Variants in USP47 observed in about 807,000 individuals in gnomAD.
USP47 encodes ubiquitin specific peptidase 47.
USP47 carries 35 observed loss-of-function variants against 165.1 expected under a neutral mutation model. The ratio of observed to expected loss-of-function variants is 0.21; its 90% CI spans 0.16 to 0.28. USP47 has a LOEUF of 0.28. Among genes scored for constraint, USP47 ranks in the 10% least tolerant of loss-of-function variants. The pLI, the probability that USP47 is intolerant of heterozygous loss-of-function variation, is 1.00. For missense variants in USP47, 1,277 were observed against 1,607.4 expected, an observed-to-expected ratio of 0.79 and a Z score of 3.52; for synonymous variants, 531 against 544.5, an observed-to-expected ratio of 0.98 and a Z score of 0.35.
intron 14 of USP47, among the ~76,000 whole-genome samples, chr11:11,931,591 A>G (rs1051077493): frequency 2.6e-5 from 4 of 152,138 alleles, no homozygotes; most frequent in Admixed American, 6.6e-5. Flanking sequence ...CAACCTTCCA[A>G]TAGTGCAATA....
Position 11,854,862 on chromosome 11 carries a change from A to G in USP47, c.39+12638A>G, listed in dbSNP as rs576120322. Among the ~76,000 whole-genome samples, 94 of 146,658 alleles carry G rather than the reference A, an allele frequency of 6.4e-4. 13 individuals carry two copies. Among genetic ancestry groups the G allele is most frequent in the Non-Finnish European group, 5.2e-4 (34 of 65,374 alleles). On this transcript the variant is annotated intron_variant, in intron 1 of 27. Coordinates refer to ENST00000527733, the MANE Select transcript of USP47 (RefSeq NM_001282659.2). The stretch of plus-strand genomic sequence containing the variant: ...TAATCCCAGCACTTTGGGAGGCTGA[A>G]GCAGGCGGATCACGAGGTCAGGAGA...
At chr11:11,906,863 C>A (rs900422103) in intron 8 of USP47, among the ~76,000 whole-genome samples, 1 of 151,976 alleles carries the variant, frequency 6.6e-6, no homozygotes, top group African/African-American at 2.4e-5. Flanking sequence ...GATTTCCTAA[C>A]TAATTTTTAA....
At chr11:11,853,159 A>C (rs759982125) in intron 1 of USP47, among the ~76,000 whole-genome samples, 1 of 152,102 alleles carries the variant, frequency 6.6e-6, no homozygotes, top group Non-Finnish European at 1.5e-5. Flanking sequence ...GGGTATGGTG[A>C]TAGCCCAAGT....
chr11:11,928,991 C>T (rs540269048), intron 11 of USP47, among the ~76,000 whole-genome samples: 1 of 152,000 alleles, frequency 6.6e-6, no homozygotes, highest in East Asian at 1.9e-4. Context: ...TGCATAAATA[C>T]ATTAGAAGAT....
intron 1 of USP47, among the ~76,000 whole-genome samples, chr11:11,859,475 A>G (rs1041654691): frequency 1.3e-5 from 2 of 152,134 alleles, no homozygotes; most frequent in Admixed American, 1.3e-4. Flanking sequence ...AAGGCCGCAT[A>G]AGGTATAAGG....
Position 11,959,577 on chromosome 11 carries a change from C to T in USP47, c.*3402C>T, listed in dbSNP as rs773558078. ...CCATGGGGAAGAGGGAGGCTGTGAT[C>T]ATTTGGTTAGATACAGCATTAATTG... On this transcript the variant is annotated 3_prime_UTR_variant, in exon 28 of 28. Coordinates refer to ENST00000527733, the MANE Select transcript of USP47 (RefSeq NM_001282659.2). Among the ~76,000 whole-genome samples, 8 of 152,300 alleles carry T rather than the reference C, an allele frequency of 5.3e-5. No individual in the cohort carries two copies. Among genetic ancestry groups the T allele is most frequent in the Non-Finnish European group, 1.0e-4 (7 of 68,030 alleles).
intron 27 of USP47, among the ~76,000 whole-genome samples, 154 bp downstream of exon 27, chr11:11,955,318 T>A (rs1363236141): frequency 6.6e-6 from 1 of 152,204 alleles, no homozygotes; most frequent in Non-Finnish European, 1.5e-5. Context: ...TAATTTGAAG[T>A]TTTCTAGTAG....
intron 1 of USP47, among the ~76,000 whole-genome samples, chr11:11,847,493 A>G (rs1213154154): frequency 2.6e-5 from 4 of 152,126 alleles, no homozygotes; most frequent in East Asian, 1.9e-4. Flanking sequence ...AAATATAGGT[A>G]ATATCGAACT....
chr11:11,880,090 C>G, intron 1 of USP47, 87 bp from the exon 2 acceptor site: 1 of 943,804 alleles, frequency 1.1e-6, no homozygotes, highest in Non-Finnish European at 1.5e-6. Context: ...AGGTCTTTTA[C>G]ATTTAATCAT....
intron 25 of USP47, among the ~76,000 whole-genome samples, chr11:11,954,692 T>C (rs1856449542): frequency 6.6e-6 from 1 of 152,204 alleles, no homozygotes; most frequent in Non-Finnish European, 1.5e-5. Flanking sequence ...TGTGTATGCA[T>C]AGGAAAAGGT....
rs770759242 is a variant in USP47 at position 11,948,473 on chromosome 11, TA to T, written c.3268-4del. The T allele has an allele frequency of 6.2e-7, 1 of 1,608,812 alleles. No homozygotes were observed. The highest frequency in any genetic ancestry group is 1.1e-5 in the South Asian group (1 of 90,886). Reference sequence around the variant, plus strand: ...CATGTCTAAAAAAATGTTTTTAACTTATAGATTACAATTAGACTGGGGAGAG... The same window carrying T: ...CATGTCTAAAAAAATGTTTTTAACTTTAGATTACAATTAGACTGGGGAGAG... On this transcript the variant is annotated splice_region_variant and splice_polypyrimidine_tract_variant and intron_variant, in intron 21 of 27. Transcript: ENST00000527733.
intron 1 of USP47, chr11:11,873,716 T>C (rs1182517509): frequency 5.5e-6 from 4 of 727,276 alleles, no homozygotes; most frequent in Non-Finnish European, 7.8e-6. Context: ...AAAATGTTTT[T>C]AGGTTAATTG....
At position 11,961,765 on chromosome 11, in the gene USP47, G is replaced by C. The variant is rs779324361; in HGVS notation, c.*5590G>C. Among the ~76,000 whole-genome samples the C allele has an allele frequency of 6.6e-6, 1 of 152,242 alleles. No homozygotes were observed. Among genetic ancestry groups the C allele is most frequent in the Non-Finnish European group, 1.5e-5 (1 of 68,040 alleles). On this transcript the variant is annotated 3_prime_UTR_variant, in exon 28 of 28. Transcript: ENST00000527733. The stretch of plus-strand genomic sequence containing the variant: ...GTCATGGGGCCAGCCCTAGCTGCTG[G>C]AGGGACTGAGAACAGCTGTTGAGCA...
chr11:11,898,126 C>CGT (rs747874116), intron 5 of USP47, among the ~76,000 whole-genome samples: 3 of 150,878 alleles, frequency 2.0e-5, no homozygotes, highest in Admixed American at 2.0e-4. Flanking sequence ...GTTTCATGTG[C>CGT]GTGTGTGTGC....
chr11:11,868,135 T>A (rs1404456117), intron 1 of USP47, among the ~76,000 whole-genome samples: 1 of 152,058 alleles, frequency 6.6e-6, no homozygotes, highest in African/African-American at 2.4e-5. Flanking sequence ...AGATATCTCA[T>A]GTACTCTTCA....
chr11:11,930,315 T>A lies in USP47; in HGVS notation c.1595+195T>A, dbSNP rs1386155807. Among the ~76,000 whole-genome samples the A allele has an allele frequency of 2.0e-5, 3 of 152,168 alleles. No homozygotes were observed. The East Asian group carries it at 5.8e-4, about 29-fold the overall frequency. On this transcript the variant is annotated intron_variant, in intron 13 of 27. Coordinates refer to ENST00000527733, the MANE Select transcript of USP47 (RefSeq NM_001282659.2). ...TTGTTTCTATATTATGTGTTAATGCTTTTACACTATAATAACATAGTTGAG... is the reference window on the plus strand; with the variant it reads ...TTGTTTCTATATTATGTGTTAATGCATTTACACTATAATAACATAGTTGAG...
chr11:11,952,985 C>G lies in USP47; in HGVS notation c.3714+114C>G, dbSNP rs191500299. 312 of 900,494 alleles carry G rather than the reference C, an allele frequency of 3.5e-4. No individual in the cohort carries two copies. The African/African-American group carries it at 5.4e-3, about 15-fold the overall frequency. 55.8% of individuals were successfully genotyped at this position (900,494 alleles called of 1,614,324 possible). On this transcript the variant is annotated intron_variant, in intron 25 of 27. Coordinates refer to ENST00000527733, the MANE Select transcript of USP47 (RefSeq NM_001282659.2). ...CTTCCTGTGTTGCGTAAGAGAAAAC[C>G]TAGGAAGTAGTACCAAACACTGGTG...
intron 1 of USP47, among the ~76,000 whole-genome samples, chr11:11,861,240 A>T (rs972200001): frequency 1.3e-5 from 2 of 152,100 alleles, no homozygotes; most frequent in African/African-American, 2.4e-5. Context: ...AATTACAGGC[A>T]TGTGCCACCA....
In USP47 at chr11:11,950,336, C is replaced by A; in HGVS notation, c.3465-28C>A. The A allele has an allele frequency of 2.1e-6, 3 of 1,426,974 alleles. No individual in the cohort carries two copies. The South Asian group carries it at 4.0e-5, about 19-fold the overall frequency. The allele number at this position is 1,426,974 out of a possible 1,614,324, so 88.4% of individuals were successfully genotyped here. A position where few individuals can be genotyped will look rare whatever the true frequency, so the allele number is the denominator to read the frequency against. ...TAAATTGAGAGTTTCAAATTATAGTCGTTTTAAATGTCTTATCACATTTGT... is the reference window on the plus strand; with the variant it reads ...TAAATTGAGAGTTTCAAATTATAGTAGTTTTAAATGTCTTATCACATTTGT... On this transcript the variant is annotated intron_variant, in intron 23 of 27. Transcript: ENST00000527733.
Sources: gnomAD v4.1 joint callset for allele counts (sites outside exome capture counted in the v4.1 genomes callset) on GRCh38, gnomAD v4.1.1 for gene constraint, MANE v1.5 for transcripts, NCBI Gene and HGNC (gene_info 2026-07-23, HGNC 2026-07-21) for gene names.